CNTN3: variants seen among roughly 807,000 people sequenced by gnomAD.
CNTN3 encodes contactin-3.
A neutral mutation model predicts 119.1 loss-of-function variants in CNTN3; 60 were observed. The observed-to-expected ratio is 0.50, with a 90% CI of 0.41 to 0.62. The LOEUF is 0.62. CNTN3 is among the 20% of genes least tolerant of loss of function. CNTN3 has a pLI of 0.00. For synonymous variants in CNTN3, 450 were observed against 438.7 expected (o/e 1.03, Z -0.32); for missense variants, 1,101 against 1,242.4 (o/e 0.89, Z 1.71).
chr3:74,470,268 C>A (rs937227299), intron 4 of CNTN3, among the ~76,000 whole-genome samples: 1 of 152,106 alleles, frequency 6.6e-6, no homozygotes, highest in Non-Finnish European at 1.5e-5. Context: ...GTGGTGATGG[C>A]TGCACAACTC....
intron 3 of CNTN3, among the ~76,000 whole-genome samples, 170 bp from the exon 4 acceptor site, chr3:74,486,801 C>T (rs1049292977): frequency 1.3e-5 from 2 of 152,048 alleles, no homozygotes; most frequent in Admixed American, 6.5e-5. Context: ...TTATCAGAAA[C>T]GAAAAGTTAA....
chr3:74,318,761 C>A (rs1001611344), intron 13 of CNTN3, among the ~76,000 whole-genome samples: 2 of 152,102 alleles, frequency 1.3e-5, no homozygotes, highest in Admixed American at 6.6e-5. Context: ...TGTCAGTCTG[C>A]CCCTACTGGG....
chr3:74,437,732 A>G (rs929328188), intron 4 of CNTN3, among the ~76,000 whole-genome samples: 5 of 151,896 alleles, frequency 3.3e-5, no homozygotes, highest in African/African-American at 1.2e-4. Flanking sequence ...TAGCCCTAGA[A>G]TTTTTCCATC....
intron 1 of CNTN3, among the ~76,000 whole-genome samples, chr3:74,531,497 T>A (rs1703692404): frequency 6.6e-6 from 1 of 151,826 alleles, no homozygotes; most frequent in African/African-American, 2.4e-5. Context: ...GAGAAAAAGG[T>A]CGGCTTACCT....
intron 1 of CNTN3, among the ~76,000 whole-genome samples, chr3:74,563,434 A>T (rs1704182235): frequency 6.6e-6 from 1 of 152,062 alleles, no homozygotes; most frequent in Non-Finnish European, 1.5e-5. Context: ...TTTTCATTCC[A>T]TTATTATTAT....
chr3:74,488,806 A>G (rs1469334899), intron 3 of CNTN3, among the ~76,000 whole-genome samples: 1 of 152,176 alleles, frequency 6.6e-6, no homozygotes, highest in African/African-American at 2.4e-5. Flanking sequence ...TCTCTTTTGA[A>G]CTGGAACAAA....
intron 2 of CNTN3, among the ~76,000 whole-genome samples, chr3:74,505,531 T>C (rs6549612): frequency 0.98 from 148,344 of 151,418 alleles, 72,744 homozygotes; most frequent in East Asian, 1. Context: ...ACACCACACA[T>C]ACACACAATA....
At chr3:74,589,413 T>C (rs2106683461) in intron 1 of CNTN3, among the ~76,000 whole-genome samples, 1 of 146,428 alleles carries the variant, frequency 6.8e-6, no homozygotes, top group South Asian at 2.3e-4. Flanking sequence ...TGAGATACCA[T>C]CTCACACCAG....
Position 74,473,170 on chromosome 3 carries a change from A to G in CNTN3, c.358+13286T>C, listed in dbSNP as rs981247865. On this transcript the variant is annotated intron_variant, in intron 4 of 22. Coordinates refer to ENST00000263665, the MANE Select transcript of CNTN3 (RefSeq NM_020872.3). ...GCTTTCTATAAAAAGATTGCAAAAT[A>G]AACAGAAAAGCGAAAAAAAAAAACA... 7.9e-5 allele frequency among the ~76,000 whole-genome samples: 12 copies of G among 151,758 alleles called. No homozygotes were observed. In the East Asian group the frequency reaches 1.2e-3, roughly 15 times the overall value.
At chr3:74,272,994 G>GA in intron 20 of CNTN3, among the ~76,000 whole-genome samples, 1 of 151,592 alleles carries the variant, frequency 6.6e-6, no homozygotes, top group South Asian at 2.1e-4. Flanking sequence ...CAATTTTTAA[G>GA]AAAAAAATAG....
At chr3:74,496,470 A>T (rs377251341) in intron 3 of CNTN3, among the ~76,000 whole-genome samples, 3 of 152,162 alleles carry the variant, frequency 2.0e-5, no homozygotes, top group African/African-American at 7.2e-5. Flanking sequence ...TATGTTCTTC[A>T]GGCAGGCCTT....
In CNTN3 at chr3:74,614,474, G is replaced by C. The variant is rs1705139278; in HGVS notation, c.-164C>G. Among the ~76,000 whole-genome samples, 1 of 146,632 alleles carries C rather than the reference G, an allele frequency of 6.8e-6. No individual in the cohort carries two copies. On this transcript the variant is annotated 5_prime_UTR_variant, in exon 1 of 23. Transcript: ENST00000263665. The stretch of plus-strand genomic sequence containing the variant: ...CGCCGCCGCCGCCGCCACCGCCGCC[G>C]CCGCAGTTAGTCCGGGCCCGGGGGG...
intron 13 of CNTN3, among the ~76,000 whole-genome samples, chr3:74,314,738 T>C (rs1409465661): frequency 1.3e-5 from 2 of 152,122 alleles, no homozygotes; most frequent in East Asian, 3.9e-4. Flanking sequence ...AATGAACAGA[T>C]CCAACAGGCA....
intron 20 of CNTN3, among the ~76,000 whole-genome samples, chr3:74,279,240 C>T (rs1355714519): frequency 1.3e-5 from 2 of 152,126 alleles, no homozygotes; most frequent in Non-Finnish European, 2.9e-5. Context: ...CTATTTGATC[C>T]AGCAATCCCA....
intron 20 of CNTN3, among the ~76,000 whole-genome samples, chr3:74,270,233 T>G (rs990655548): frequency 4.6e-5 from 7 of 152,126 alleles, no homozygotes; most frequent in Non-Finnish European, 1.0e-4. Context: ...CCCATAGATA[T>G]GGGACTTCAC....
At chr3:74,371,537 C>G in intron 5 of CNTN3, 138 bp from the exon 6 acceptor site, 2 of 630,052 alleles carry the variant, frequency 3.2e-6, no homozygotes, top group Non-Finnish European at 5.6e-6. Context: ...TGAAGAGAAG[C>G]AGTTAAGTGA....
intron 11 of CNTN3, among the ~76,000 whole-genome samples, chr3:74,338,491 C>CATAT (rs1559553771): frequency 5.3e-5 from 3 of 56,984 alleles, no homozygotes; most frequent in African/African-American, 3.6e-4. Flanking sequence ...TGTGTACACA[C>CATAT]GTGCGTGTGT....
At chr3:74,451,589 C>T (rs1165454712) in intron 4 of CNTN3, among the ~76,000 whole-genome samples, 3 of 152,090 alleles carry the variant, frequency 2.0e-5, no homozygotes, top group Non-Finnish European at 2.9e-5. Flanking sequence ...AGTCCTTGCC[C>T]GTGCCTATGT....
intron 1 of CNTN3, among the ~76,000 whole-genome samples, chr3:74,598,180 C>G (rs1704844777): frequency 6.6e-6 from 1 of 152,054 alleles, no homozygotes; most frequent in South Asian, 2.1e-4. Context: ...CAGTCCCAGA[C>G]TTAGACTTAA....
Sources: gnomAD v4.1 joint callset for allele counts (sites outside exome capture counted in the v4.1 genomes callset) on GRCh38, gnomAD v4.1.1 for gene constraint, MANE v1.5 for transcripts, NCBI Gene and HGNC (gene_info 2026-07-23, HGNC 2026-07-21) for gene names.